The following KMT2C variants were observed in gnomAD, a reference collection of about 807,000 sequenced individuals.
KMT2C encodes the protein histone-lysine N-methyltransferase 2C.
KMT2C carries 88 observed loss-of-function variants against 507.9 expected under a neutral mutation model. The ratio of observed to expected loss-of-function variants is 0.17; its 90% CI spans 0.15 to 0.21. The LOEUF (loss-of-function observed/expected upper bound fraction) is 0.21, where lower values mean the gene tolerates loss of function less well. Among genes scored for constraint, KMT2C ranks in the 10% least tolerant of loss-of-function variants. The pLI, the probability that KMT2C is intolerant of heterozygous loss-of-function variation, is 1.00. For synonymous variants in KMT2C, 2,049 were observed against 2,080.8 expected (o/e 0.98, Z 0.42); for missense variants, 4,954 against 5,957.8 (o/e 0.83, Z 5.55).
rs1400541227 is a variant in KMT2C at position 152,252,589 on chromosome 7, G to C, written c.1426C>G (p.Pro476Ala). 9 of 1,613,046 alleles carry C rather than the reference G, an allele frequency of 5.6e-6. No individual in the cohort carries two copies. The highest frequency in any genetic ancestry group is 7.6e-6 in the Non-Finnish European group (9 of 1,179,588). ...LCPFCGKCYH[P>A]ELQKDMLHCN... ...TGAAGCATGTCTTTCTGCAATTCTGGATGATAACACTTCCCACAGAAGGGA... is the reference window on the plus strand; with the variant it reads ...TGAAGCATGTCTTTCTGCAATTCTGCATGATAACACTTCCCACAGAAGGGA... Residue 476 changes from proline (P) to alanine (A), a missense_variant, in exon 10 of 59, where the codon CCA becomes GCA. Coordinates refer to ENST00000262189, the MANE Select transcript of KMT2C (RefSeq NM_170606.3).
At chr7:152,357,026 G>A (rs901933303) in intron 2 of KMT2C, among the ~76,000 whole-genome samples, 24 of 151,412 alleles carry the variant, frequency 1.6e-4, no homozygotes, top group Non-Finnish European at 2.8e-4. Context: ...TCAGGAGTTC[G>A]AGACCAGCCT....
chr7:152,357,726 T>A (rs1168190973), intron 2 of KMT2C, among the ~76,000 whole-genome samples: 2 of 152,178 alleles, frequency 1.3e-5, no homozygotes, highest in African/African-American at 4.8e-5. Context: ...ATACTCTAAC[T>A]AGACCTTATT....
intron 6 of KMT2C, among the ~76,000 whole-genome samples, chr7:152,285,941 C>T (rs1441767850): frequency 8.5e-5 from 13 of 152,140 alleles, no homozygotes; most frequent in African/African-American, 1.9e-4. Context: ...GCCGAGATCG[C>T]GCCATTGCAC....
intron 39 of KMT2C, 120 bp from the exon 40 acceptor site, chr7:152,171,462 T>C: frequency 1.7e-6 from 1 of 596,094 alleles, no homozygotes; most frequent in Non-Finnish European, 2.8e-6. Flanking sequence ...TGGCAATTTC[T>C]TCTTCATCAA....
intron 6 of KMT2C, among the ~76,000 whole-genome samples, chr7:152,280,780 TAACA>T (rs889127258): frequency 3.9e-5 from 6 of 152,208 alleles, no homozygotes; most frequent in South Asian, 2.1e-4. Flanking sequence ...TTGTAACAGA[TAACA>T]AACAGAGCAG....
chr7:152,137,154 G>A lies in KMT2C; in HGVS notation c.14644-230C>T, dbSNP rs188103015. 2.7e-3 allele frequency: 1,269 copies of A among 476,684 alleles called. 1 individual carries two copies. Among genetic ancestry groups the A allele is most frequent in the Middle Eastern group, 5.2e-3 (9 of 1,740 alleles). 29.5% of individuals were successfully genotyped at this position (476,684 alleles called of 1,614,324 possible). A position where few individuals can be genotyped will look rare whatever the true frequency, so the allele number is the denominator to read the frequency against. On this transcript the variant is annotated intron_variant, in intron 58 of 58. Transcript: ENST00000262189. ...TTTAAACAGCGAGATCTGAGAACGG[G>A]AGCCTGACCAGAGAAAGCTGTATTT...
intron 21 of KMT2C, 28 bp from the exon 22 acceptor site, chr7:152,222,094 A>T: frequency 3.9e-6 from 6 of 1,525,796 alleles, no homozygotes; most frequent in Non-Finnish European, 5.3e-6. Context: ...AATCCAGGTA[A>T]TTCTTTTCAG....
intron 1 of KMT2C, among the ~76,000 whole-genome samples, chr7:152,417,137 A>G (rs139698677): frequency 3.4e-3 from 512 of 152,212 alleles, no homozygotes; most frequent in South Asian, 7.3e-3. Context: ...ATAAGAAGGA[A>G]AAAATTTTAA....
rs200392515 is a variant in KMT2C at position 152,143,872 on chromosome 7, C to T, written c.14343+841G>A. Among the ~76,000 whole-genome samples the T allele has an allele frequency of 1.1e-4, 16 of 152,304 alleles. No individual in the cohort carries two copies. In the East Asian group the frequency reaches 2.1e-3, roughly 20 times the overall value. On this transcript the variant is annotated intron_variant, in intron 55 of 58. Coordinates refer to ENST00000262189, the MANE Select transcript of KMT2C (RefSeq NM_170606.3). ...TGATCCAGTTTATAGGGTAAAGATA[C>T]TTTGCTGGCTGCTGAGAGGGAACTG...
chr7:152,358,198 C>G lies in KMT2C; in HGVS notation c.250+389G>C, dbSNP rs17173406. ...GCCTAGCCTTTCACAATATTAATTC[C>G]ATAACGAAACATACTACTTTTTTCA... On this transcript the variant is annotated intron_variant, in intron 2 of 58. Coordinates refer to ENST00000262189, the MANE Select transcript of KMT2C (RefSeq NM_170606.3). Among the ~76,000 whole-genome samples the G allele has an allele frequency of 7.6e-3, 1,163 of 152,254 alleles. 17 individuals carry two copies. The highest frequency in any genetic ancestry group is 0.027 in the African/African-American group (1,121 of 41,528).
In KMT2C at chr7:152,194,272, T is replaced by TA; in HGVS notation, c.4508-12_4508-11insT. Reference sequence around the variant, plus strand: ...TTCCAAGAATTGCTCCTAGAATAAATTAAAAAAAAAAAAGAAACATTAACA... The same window carrying TA: ...TTCCAAGAATTGCTCCTAGAATAAATATAAAAAAAAAAAAGAAACATTAACA... On this transcript the variant is annotated splice_polypyrimidine_tract_variant and intron_variant, in intron 29 of 58. Coordinates refer to ENST00000262189, the MANE Select transcript of KMT2C (RefSeq NM_170606.3). 1.5e-5 allele frequency: 21 copies of TA among 1,433,850 alleles called. No individual in the cohort carries two copies. The African/African-American group carries it at 2.6e-4, about 18-fold the overall frequency. The allele number at this position is 1,433,850 out of a possible 1,614,324, so 88.8% of individuals were successfully genotyped here. A position where few individuals can be genotyped will look rare whatever the true frequency, so the allele number is the denominator to read the frequency against.
At chr7:152,410,401 G>A (rs1281481428) in intron 1 of KMT2C, among the ~76,000 whole-genome samples, 2 of 140,342 alleles carry the variant, frequency 1.4e-5, no homozygotes, top group African/African-American at 5.4e-5. Context: ...GACGGAGGAA[G>A]ACCCTGTCTC....
intron 31 of KMT2C, among the ~76,000 whole-genome samples, chr7:152,191,855 A>G (rs971104249): frequency 3.9e-5 from 6 of 152,240 alleles, no homozygotes; most frequent in Non-Finnish European, 5.9e-5. Context: ...CCCTTACATT[A>G]GAACTACTAT....
intron 6 of KMT2C, among the ~76,000 whole-genome samples, chr7:152,304,288 C>T (rs1390117376): frequency 6.6e-6 from 1 of 152,062 alleles, no homozygotes; most frequent in African/African-American, 2.4e-5. Flanking sequence ...TTTCTGCAAC[C>T]ATTTTTAAAT....
chr7:152,250,329 CA>C (rs1395695932), intron 12 of KMT2C, among the ~76,000 whole-genome samples: 1 of 152,016 alleles, frequency 6.6e-6, no homozygotes, highest in African/African-American at 2.4e-5. Context: ...CATACAACAC[CA>C]AAGACTTTCA....
chr7:152,433,247 G>A (rs1158442326), intron 1 of KMT2C, among the ~76,000 whole-genome samples: 1 of 151,964 alleles, frequency 6.6e-6, no homozygotes. Flanking sequence ...ATGAGATTTA[G>A]CAAAGAAGAT....
intron 16 of KMT2C, among the ~76,000 whole-genome samples, chr7:152,231,556 G>A (rs1420093664): frequency 1.3e-5 from 2 of 152,228 alleles, no homozygotes; most frequent in African/African-American, 4.8e-5. Flanking sequence ...TAAAGTGGGT[G>A]GATCGCTTGA....
intron 2 of KMT2C, among the ~76,000 whole-genome samples, chr7:152,351,709 C>A (rs1296325200): frequency 6.6e-6 from 1 of 152,160 alleles, no homozygotes; most frequent in African/African-American, 2.4e-5. Flanking sequence ...ATTTCTTACG[C>A]CTGTCTTTAC....
At chr7:152,363,281 CCCTTT>C (rs1242664460) in intron 1 of KMT2C, among the ~76,000 whole-genome samples, 2 of 152,110 alleles carry the variant, frequency 1.3e-5, no homozygotes, top group African/African-American at 4.8e-5. Context: ...TGTCTCTTAA[CCCTTT>C]CATTTCAGTG....
Sources: allele counts gnomAD v4.1 joint callset (sites outside exome capture counted in the v4.1 genomes callset), GRCh38; gene constraint gnomAD v4.1.1; transcripts MANE v1.5; gene names NCBI Gene and HGNC (gene_info 2026-07-23, HGNC 2026-07-21).